TMEM39A: variants seen among roughly 807,000 people sequenced by gnomAD.
TMEM39A encodes suppressor of SQST-1 aggregates in rpl-43 mutants.
Under a neutral mutation model 51.9 loss-of-function variants are expected in TMEM39A, and 19 were observed. The observed-to-expected ratio is 0.37, with a 90% CI of 0.26 to 0.54. TMEM39A has a LOEUF of 0.54. Among genes scored for constraint, TMEM39A ranks in the 20% least tolerant of loss-of-function variants. The pLI, the probability that TMEM39A is intolerant of heterozygous loss-of-function variation, is 0.88. For synonymous variants in TMEM39A, 197 were observed against 220.2 expected (o/e 0.89, Z 0.93); for missense variants, 433 against 590.5 (o/e 0.73, Z 2.76).
intron 5 of TMEM39A, 37 bp downstream of exon 5, chr3:119,446,981 A>G: frequency 6.3e-7 from 1 of 1,582,830 alleles, no homozygotes; most frequent in Non-Finnish European, 8.6e-7. Context: ...TAATTTCTAA[A>G]GATTTACTAA....
chr3:119,434,618 G>A (rs2080944503), intron 8 of TMEM39A, 144 bp downstream of exon 8: 2 of 1,218,390 alleles, frequency 1.6e-6, no homozygotes, highest in East Asian at 2.4e-5. Flanking sequence ...CAAAGTACAG[G>A]GACCACTGTT....
rs970575491 is a variant in TMEM39A, at chr3:119,429,130, C to G, written c.*2851G>C. Among the ~76,000 whole-genome samples the G allele has an allele frequency of 1.3e-5, 2 of 151,884 alleles. No individual in the cohort carries two copies. Among genetic ancestry groups the G allele is most frequent in the Non-Finnish European group, 2.9e-5 (2 of 67,974 alleles). On this transcript the variant is annotated 3_prime_UTR_variant, in exon 9 of 9. Coordinates refer to ENST00000319172, the MANE Select transcript of TMEM39A (RefSeq NM_018266.3). ...CTCGAACATCACTATCTCCGGCACC[C>G]AGCAGTGTTTGGCATATAATTGCCC...
chr3:119,443,708 G>A lies in TMEM39A; in HGVS notation c.575+3310C>T, dbSNP rs187190409. 5.9e-5 allele frequency among the ~76,000 whole-genome samples: 9 copies of A among 152,178 alleles called. No homozygotes were observed. In the South Asian group the frequency reaches 1.5e-3, roughly 25 times the overall value. On this transcript the variant is annotated intron_variant, in intron 5 of 8. Transcript: ENST00000319172. ...AGGCAAGAGGATCACTTGAGCCCAG[G>A]AGTTCAAGACCAGCCTGGGCAACAA...
At chr3:119,433,604 G>A (rs1362342114) in intron 8 of TMEM39A, among the ~76,000 whole-genome samples, 2 of 152,024 alleles carry the variant, frequency 1.3e-5, no homozygotes, top group African/African-American at 2.4e-5. Context: ...GAACTATTTC[G>A]CTATCACAGG....
intron 8 of TMEM39A, among the ~76,000 whole-genome samples, chr3:119,434,059 A>G (rs181733670): frequency 6.6e-6 from 1 of 152,292 alleles, no homozygotes; most frequent in Admixed American, 6.5e-5. Flanking sequence ...GCACTGCACT[A>G]TAGGCATTTT....
intron 3 of TMEM39A, 152 bp downstream of exon 3, chr3:119,457,866 T>A (rs2081286939): frequency 3.7e-6 from 2 of 546,076 alleles, no homozygotes; most frequent in Non-Finnish European, 6.4e-6. Context: ...CATCTTATCA[T>A]GAAATTTTAT....
rs1223616840 is a variant in TMEM39A at position 119,447,095 on chromosome 3, A to G, written c.498T>C (p.Cys166=). ...CGAGGGTCCAACAAAGTACCCATCC[A>G]CACAAAGTGAGTAGTACCAAGCGAG... ...ISARLVLLTL[C]GWVLCWTLVN... The change falls in exon 5 of 9, where the codon TGT becomes TGC. Residue 166 remains cysteine (C), a synonymous_variant. Coordinates refer to ENST00000319172, the MANE Select transcript of TMEM39A (RefSeq NM_018266.3). 6.2e-7 allele frequency: 1 copy of G among 1,614,206 alleles called. No individual in the cohort carries two copies. The highest frequency in any genetic ancestry group is 8.5e-7 in the Non-Finnish European group (1 of 1,180,028).
At chr3:119,444,681 T>C (rs192806124) in intron 5 of TMEM39A, among the ~76,000 whole-genome samples, 5 of 152,344 alleles carry the variant, frequency 3.3e-5, no homozygotes, top group East Asian at 3.9e-4. Context: ...CAGAATCACC[T>C]TGAGGGCTTG....
Position 119,432,198 on chromosome 3 carries a change from G to T in TMEM39A, c.1250C>A (p.Pro417Gln). The change falls in exon 9 of 9, where the codon CCA becomes CAA. Residue 417 changes from proline to glutamine, a missense_variant. By Grantham distance (76) the Pro-to-Gln change is moderately conservative (BLOSUM62 -1). This residue lies in a region of TMEM39A where 223 missense variants were observed against 328.1 expected (regional missense o/e 0.68). Transcript: ENST00000319172. ...GATGAGCAGATTTAACAGCCTTAAT[G>T]GTCGATGAAATAAGAACTGTAAGGA... ...HARFYFLFHRPLRLLNLLILI... is the reference protein window; with the variant it reads ...HARFYFLFHRQLRLLNLLILI... 6.2e-7 allele frequency: 1 copy of T among 1,610,624 alleles called. No individual in the cohort carries two copies.
intron 5 of TMEM39A, 137 bp from the exon 6 acceptor site, chr3:119,438,240 T>G (rs890573274): frequency 3.6e-6 from 2 of 550,958 alleles, no homozygotes; most frequent in African/African-American, 3.7e-5. Flanking sequence ...AAGAGGGACA[T>G]TGCTGATAGT....
intron 5 of TMEM39A, among the ~76,000 whole-genome samples, chr3:119,440,050 A>C (rs2081029786): frequency 6.6e-6 from 1 of 152,110 alleles, no homozygotes; most frequent in Admixed American, 6.6e-5. Context: ...TTACAGGTGT[A>C]AGCCACCGCA....
intron 5 of TMEM39A, among the ~76,000 whole-genome samples, chr3:119,445,507 T>G (rs2081112885): frequency 6.6e-6 from 1 of 152,204 alleles, no homozygotes; most frequent in Non-Finnish European, 1.5e-5. Context: ...TCAGGTGATC[T>G]GCCCACCTCG....
At position 119,436,778 on chromosome 3, in the gene TMEM39A, C is replaced by T. The variant is rs765141356; in HGVS notation, c.1112+13G>A. The T allele has an allele frequency of 1.2e-6, 2 of 1,602,030 alleles. No individual in the cohort carries two copies. Among genetic ancestry groups the T allele is most frequent in the Non-Finnish European group, 1.7e-6 (2 of 1,171,556 alleles). The stretch of plus-strand genomic sequence containing the variant: ...AGAAAGTGTTACATGGTTTTACCCT[C>T]TAGCTTACTCACATGTGCTGTGGAG... On this transcript the variant is annotated intron_variant, in intron 7 of 8. Coordinates refer to ENST00000319172, the MANE Select transcript of TMEM39A (RefSeq NM_018266.3).
intron 2 of TMEM39A, among the ~76,000 whole-genome samples, chr3:119,458,684 C>G (rs2081298469): frequency 1.3e-5 from 2 of 152,168 alleles, no homozygotes; most frequent in African/African-American, 4.8e-5. Context: ...CACCTGAGGT[C>G]AGGAGTTCAA....
At chr3:119,460,519 T>A (rs963573984) in intron 2 of TMEM39A, among the ~76,000 whole-genome samples, 1 of 152,106 alleles carries the variant, frequency 6.6e-6, no homozygotes, top group African/African-American at 2.4e-5. Context: ...GGAAAATGAG[T>A]CAGTCTAATT....
intron 5 of TMEM39A, among the ~76,000 whole-genome samples, chr3:119,446,017 T>C (rs1342878817): frequency 6.6e-6 from 1 of 152,170 alleles, no homozygotes; most frequent in South Asian, 2.1e-4. Context: ...ATACACTATG[T>C]TTTTTCCTAT....
rs1471588114 is a variant in TMEM39A at position 119,429,497 on chromosome 3, G to T, written c.*2484C>A. 6.6e-6 allele frequency: 1 copy of T among 151,770 alleles called. No individual in the cohort carries two copies. The highest frequency in any genetic ancestry group is 1.5e-5 in the Non-Finnish European group (1 of 67,936). 9.4% of individuals were successfully genotyped at this position (151,770 alleles called of 1,614,324 possible). ...CAAACAATTTTAACTTGCCAACAAA[G>T]AATTACAAAAAAGGTCATTCTTTAA... On this transcript the variant is annotated 3_prime_UTR_variant, in exon 9 of 9. Coordinates refer to ENST00000319172, the MANE Select transcript of TMEM39A (RefSeq NM_018266.3).
chr3:119,439,927 G>A (rs1300185239), intron 5 of TMEM39A, among the ~76,000 whole-genome samples: 4 of 151,938 alleles, frequency 2.6e-5, no homozygotes, highest in South Asian at 2.1e-4. Context: ...GCCATTACAC[G>A]CGGCTAATTA....
Position 119,452,514 on chromosome 3 carries a change from T to C in TMEM39A, c.353A>G (p.Asp118Gly). 6.2e-7 allele frequency: 1 copy of C among 1,613,394 alleles called. No homozygotes were observed. ...TGTGATGAATGCTGCCAGATGATAA[T>C]CAATGAGATGAAAATTCTACAACAG... ...SCTSLNFHLI[D>G]YHLAAFITVM... The change falls in exon 4 of 9, where the codon GAT becomes GGT. Residue 118 changes from aspartate to glycine, a missense_variant. Asp to Gly is a moderately conservative substitution (Grantham distance 94). Coordinates refer to ENST00000319172, the MANE Select transcript of TMEM39A (RefSeq NM_018266.3).
Sources: allele counts gnomAD v4.1 joint callset (sites outside exome capture counted in the v4.1 genomes callset), GRCh38; gene constraint gnomAD v4.1.1; regional missense constraint gnomAD v4.1.1; transcripts MANE v1.5; gene names NCBI Gene and HGNC (gene_info 2026-07-23, HGNC 2026-07-21).